SLC17A8: variants seen among roughly 807,000 people sequenced by gnomAD.
The protein encoded by SLC17A8 is solute carrier family 17 member 8, also known as vesicular glutamate transporter 3.
Under a neutral mutation model 58.0 loss-of-function variants are expected in SLC17A8, and 31 were observed. The ratio of observed to expected loss-of-function variants is 0.53; its 90% CI spans 0.40 to 0.72. The LOEUF (loss-of-function observed/expected upper bound fraction) is 0.72. Among genes scored for constraint, SLC17A8 ranks in the 30% least tolerant of loss-of-function variants. The pLI is 0.00. For missense variants in SLC17A8, 655 were observed against 727.8 expected (o/e 0.90, Z 1.15); for synonymous variants, 228 against 249.0 (o/e 0.92, Z 0.79).
At chr12:100,384,777 G>A (rs554157346) in intron 2 of SLC17A8, among the ~76,000 whole-genome samples, 5 of 152,290 alleles carry the variant, frequency 3.3e-5, no homozygotes, top group African/African-American at 7.2e-5. Context: ...TTCTGAGGCC[G>A]CAGGACAGGC....
At position 100,361,843 on chromosome 12, in the gene SLC17A8, C is replaced by T. The variant is rs530565818; in HGVS notation, c.101+4351C>T. On this transcript the variant is annotated intron_variant, in intron 1 of 11. Coordinates refer to ENST00000323346, the MANE Select transcript of SLC17A8 (RefSeq NM_139319.3). ...AGGCATAGAGGCATGTGCCTATAGT[C>T]GTAGCTACTCAGGAGGCTGAGGCAG... 1.3e-4 allele frequency among the ~76,000 whole-genome samples: 20 copies of T among 152,140 alleles called. 1 individual carries two copies. In the South Asian group the frequency reaches 3.5e-3, roughly 27 times the overall value.
Position 100,380,758 on chromosome 12 carries a change from G to C in SLC17A8, c.159G>C (p.Arg53Ser). 1 of 1,614,092 alleles carries C rather than the reference G, an allele frequency of 6.2e-7. No homozygotes were observed. The highest frequency in any genetic ancestry group is 8.5e-7 in the Non-Finnish European group (1 of 1,180,014). The change falls in exon 2 of 12, where the codon AGG becomes AGC. Residue 53 changes from arginine to serine, a missense_variant. Physicochemically the swap from Arg to Ser is moderately radical, Grantham distance 110. Transcript: ENST00000323346. ...EDNIELNEEG[R>S]PVQTSRPSPP... ...ACATTGAGCTGAATGAAGAAGGAAG[G>C]CCGGTGCAGACGTCCAGGCCAAGCC...
At chr12:100,360,301 A>T (rs1337863977) in intron 1 of SLC17A8, among the ~76,000 whole-genome samples, 5 of 152,278 alleles carry the variant, frequency 3.3e-5, no homozygotes, top group Non-Finnish European at 7.3e-5. Context: ...GATTTGTTCA[A>T]TTTAAATTAC....
intron 4 of SLC17A8, among the ~76,000 whole-genome samples, chr12:100,395,015 C>T (rs968922474): frequency 6.6e-5 from 10 of 151,744 alleles, no homozygotes; most frequent in East Asian, 3.9e-4. Flanking sequence ...GGAAAGAACA[C>T]GATATTAGCA....
At chr12:100,409,662 G>A (rs1157104084) in intron 9 of SLC17A8, among the ~76,000 whole-genome samples, 2 of 152,124 alleles carry the variant, frequency 1.3e-5, no homozygotes, top group Non-Finnish European at 2.9e-5. Flanking sequence ...GGGTTGTTAG[G>A]GAAGCTTTCT....
intron 11 of SLC17A8, 66 bp from the exon 12 acceptor site, chr12:100,419,748 TC>T: frequency 6.6e-7 from 1 of 1,522,132 alleles, no homozygotes; most frequent in East Asian, 2.2e-5. Flanking sequence ...AGTGGAGGCC[TC>T]CAGGACATAC....
At chr12:100,414,704 G>A (rs1416657021) in intron 10 of SLC17A8, among the ~76,000 whole-genome samples, 1 of 152,182 alleles carries the variant, frequency 6.6e-6, no homozygotes, top group African/African-American at 2.4e-5. Context: ...AACCTTAGCT[G>A]TATTTATTTG....
chr12:100,369,662 G>GT lies in SLC17A8; in HGVS notation c.102-11031dup, dbSNP rs200804179. ...GCAAGAGAGCCTAGGAAAAGTAGGT[G>GT]TTTTTTTTGTTTTTGTTTTTGTTGT... On this transcript the variant is annotated intron_variant, in intron 1 of 11. Coordinates refer to ENST00000323346, the MANE Select transcript of SLC17A8 (RefSeq NM_139319.3). Among the ~76,000 whole-genome samples, 977 of 152,044 alleles carry GT rather than the reference G, an allele frequency of 6.4e-3. 11 individuals are homozygous for GT. The highest frequency in any genetic ancestry group is 0.022 in the African/African-American group (914 of 41,464).
At chr12:100,373,714 A>G (rs1337015792) in intron 1 of SLC17A8, among the ~76,000 whole-genome samples, 1 of 151,150 alleles carries the variant, frequency 6.6e-6, no homozygotes, top group African/African-American at 2.4e-5. Flanking sequence ...CCTCCCGAGT[A>G]GCTGGGATTA....
chr12:100,400,320 G>T (rs544045134), intron 5 of SLC17A8, among the ~76,000 whole-genome samples: 1 of 152,256 alleles, frequency 6.6e-6, no homozygotes, highest in South Asian at 2.1e-4. Context: ...CCCTGAGATT[G>T]TTTTTTGAGT....
chr12:100,420,105 G>A lies in SLC17A8; in HGVS notation c.1716G>A (p.Glu572=). The A allele has an allele frequency of 1.9e-6, 3 of 1,614,006 alleles. No homozygotes were observed. The highest frequency in any genetic ancestry group is 8.5e-7 in the Non-Finnish European group (1 of 1,179,946). Residue 572 remains glutamate, a synonymous_variant, in exon 12 of 12, where the codon GAG becomes GAA. Coordinates refer to ENST00000323346, the MANE Select transcript of SLC17A8 (RefSeq NM_139319.3). ...WKGQRGATLD[E]EELTSYQNEE... ...GACAGAGAGGAGCGACCCTTGATGA[G>A]GAAGAGCTGACATCCTACCAGAATG...
chr12:100,405,623 C>T (rs1171276623), intron 9 of SLC17A8, among the ~76,000 whole-genome samples: 1 of 152,094 alleles, frequency 6.6e-6, no homozygotes, highest in African/African-American at 2.4e-5. Flanking sequence ...CATAGCACCT[C>T]TAGAAGGAAT....
chr12:100,418,377 T>C (rs983002485), intron 11 of SLC17A8, among the ~76,000 whole-genome samples: 1 of 152,152 alleles, frequency 6.6e-6, no homozygotes, highest in African/African-American at 2.4e-5. Context: ...GTTTTCTCAA[T>C]TGAGGAATAA....
chr12:100,358,407 A>G (rs1221898107), intron 1 of SLC17A8, among the ~76,000 whole-genome samples: 1 of 152,212 alleles, frequency 6.6e-6, no homozygotes, highest in Non-Finnish European at 1.5e-5. Context: ...TAAATTTAAA[A>G]ACTTTTTCAT....
chr12:100,399,586 GAA>G (rs755831734), intron 5 of SLC17A8, among the ~76,000 whole-genome samples: 11 of 150,996 alleles, frequency 7.3e-5, no homozygotes, highest in Admixed American at 5.3e-4. Flanking sequence ...CATGGTGGCA[GAA>G]GAGAGAGAGA....
chr12:100,379,434 C>CAAA (rs142965532), intron 1 of SLC17A8, among the ~76,000 whole-genome samples: 2,412 of 137,142 alleles, frequency 0.018, 143 homozygotes, highest in East Asian at 0.087. Flanking sequence ...GATTCCGTCC[C>CAAA]CAAAAAAAAA....
rs1161932144 is a variant in SLC17A8 at position 100,419,878 on chromosome 12, T to C, written c.1489T>C (p.Phe497Leu). 1 of 1,614,114 alleles carries C rather than the reference T, an allele frequency of 6.2e-7. No homozygotes were observed. The highest frequency in any genetic ancestry group is 8.5e-7 in the Non-Finnish European group (1 of 1,180,034). The change falls in exon 12 of 12, where the codon TTC (phenylalanine) becomes CTC (leucine). Residue 497 changes from phenylalanine (F) to leucine (L), a missense_variant. Physicochemically the swap from Phe to Leu is conservative, Grantham distance 22. Coordinates refer to ENST00000323346, the MANE Select transcript of SLC17A8 (RefSeq NM_139319.3). ...AALVHYSGVI[F>L]YGVFASGEKQ... ...CCTGGTGCATTACAGTGGTGTGATC[T>C]TCTATGGGGTCTTTGCTTCTGGGGA... is the stretch of plus-strand genomic sequence containing the variant.
At position 100,407,230 on chromosome 12, in the gene SLC17A8, A is replaced by C. The variant is rs556033144; in HGVS notation, c.1186+3060A>C. Among the ~76,000 whole-genome samples, 8 of 152,352 alleles carry C rather than the reference A, an allele frequency of 5.3e-5. No homozygotes were observed. The South Asian group carries it at 1.0e-3, about 20-fold the overall frequency. On this transcript the variant is annotated intron_variant, in intron 9 of 11. Transcript: ENST00000323346. ...CTGTGATTGTATTTCCTTTGGACAAAAAAATGTACTTCTAAACTGGCAACT... is the reference window on the plus strand; with the variant it reads ...CTGTGATTGTATTTCCTTTGGACAACAAAATGTACTTCTAAACTGGCAACT...
chr12:100,371,764 G>C (rs1952560601), intron 1 of SLC17A8, among the ~76,000 whole-genome samples: 1 of 152,130 alleles, frequency 6.6e-6, no homozygotes, highest in South Asian at 2.1e-4. Context: ...TGGCCAGGCT[G>C]GTCTTGAACT....
Sources: allele counts gnomAD v4.1 joint callset (sites outside exome capture counted in the v4.1 genomes callset), GRCh38; gene constraint gnomAD v4.1.1; transcripts MANE v1.5; gene names NCBI Gene and HGNC (gene_info 2026-07-23, HGNC 2026-07-21).